The following CPVL variants were observed in gnomAD, a reference collection of about 807,000 sequenced individuals.
The protein encoded by CPVL is probable serine carboxypeptidase CPVL.
A neutral mutation model predicts 63.7 loss-of-function variants in CPVL; 51 were observed. The ratio of observed to expected loss-of-function variants is 0.80; its 90% confidence interval spans 0.64 to 1.01. CPVL has a LOEUF of 1.01. CPVL is among the 50% of genes least tolerant of loss of function. The pLI, the probability that CPVL is intolerant of heterozygous loss-of-function variation, is 0.00. For synonymous variants in CPVL, 195 were observed against 206.0 expected, an observed-to-expected ratio of 0.95 and a Z score of 0.46; for missense variants, 530 against 573.1, an observed-to-expected ratio of 0.92 and a Z score of 0.77.
intron 1 of CPVL, chr7:29,192,924 A>G (rs1416500549): frequency 6.6e-6 from 1 of 152,240 alleles, no homozygotes; most frequent in African/African-American, 2.4e-5. Context: ...GCTGTTTTCT[A>G]TCAGAAGAAC....
intron 7 of CPVL, among the ~76,000 whole-genome samples, chr7:29,074,036 T>G (rs1784000308): frequency 6.6e-6 from 1 of 152,206 alleles, no homozygotes; most frequent in Non-Finnish European, 1.5e-5. Context: ...GCTCTTATTT[T>G]ATCCACACCA....
At chr7:29,151,578 A>C (rs1028870512) in intron 5 of CPVL, among the ~76,000 whole-genome samples, 1 of 152,172 alleles carries the variant, frequency 6.6e-6, no homozygotes, top group South Asian at 2.1e-4. Flanking sequence ...TTTGCCCAAC[A>C]CTTTTTATAT....
At chr7:29,112,868 A>G (rs1286438621) in intron 2 of CPVL, 46 bp from the exon 3 acceptor site, 1 of 1,316,392 alleles carries the variant, frequency 7.6e-7, no homozygotes, top group African/African-American at 1.5e-5. Context: ...GAAAACAATA[A>G]CAACAAAAAT....
intron 11 of CPVL, among the ~76,000 whole-genome samples, chr7:29,048,768 G>A (rs1394056531): frequency 2.0e-5 from 3 of 152,112 alleles, no homozygotes; most frequent in Middle Eastern, 3.4e-3. Flanking sequence ...TAGACCAAAC[G>A]ACAGGCCACA....
intron 6 of CPVL, among the ~76,000 whole-genome samples, chr7:29,087,576 A>C (rs886923405): frequency 1.3e-5 from 2 of 152,250 alleles, no homozygotes; most frequent in African/African-American, 2.4e-5. Flanking sequence ...AAAGGAAAAC[A>C]AAAACTTGTG....
chr7:29,054,202 ATAT>A (rs752738174), intron 11 of CPVL, among the ~76,000 whole-genome samples: 37 of 152,354 alleles, frequency 2.4e-4, no homozygotes, highest in Non-Finnish European at 4.1e-4. Flanking sequence ...CATTGATAAA[ATAT>A]TATTTCTATC....
intron 12 of CPVL, among the ~76,000 whole-genome samples, chr7:29,003,154 G>GCACACACACACACACACA (rs535400256): frequency 1.3e-4 from 16 of 123,780 alleles, no homozygotes; most frequent in South Asian, 2.4e-4. Flanking sequence ...ATGTGTATGT[G>GCACACACACACACACACA]CACACACACA....
At chr7:29,075,123 C>G (rs1784115230) in intron 7 of CPVL, among the ~76,000 whole-genome samples, 1 of 152,100 alleles carries the variant, frequency 6.6e-6, no homozygotes, top group Non-Finnish European at 1.5e-5. Context: ...AAACATCTCT[C>G]TTGACCCTTT....
chr7:29,137,400 A>T (rs1791350302), intron 1 of CPVL, among the ~76,000 whole-genome samples: 1 of 152,296 alleles, frequency 6.6e-6, no homozygotes, highest in African/African-American at 2.4e-5. Context: ...TGACATTTAC[A>T]TAGCATGCAG....
rs148877286 is a variant in CPVL at position 29,035,462 on chromosome 7, C to T, written c.1138-4703G>A. On this transcript the variant is annotated intron_variant, in intron 11 of 12. Coordinates refer to ENST00000265394, the MANE Select transcript of CPVL (RefSeq NM_031311.5). ...GCATATGAGACACAGTTCACATCTC[C>T]GGTTCAGAAACAATCTTGCTCTGTT... Among the ~76,000 whole-genome samples, 1,164 of 152,306 alleles carry T rather than the reference C, an allele frequency of 7.6e-3. 5 individuals carry two copies. The highest frequency in any genetic ancestry group is 0.011 in the Non-Finnish European group (723 of 68,032).
At chr7:29,173,367 A>T (rs1385021695) in intron 5 of CPVL, among the ~76,000 whole-genome samples, 1 of 152,038 alleles carries the variant, frequency 6.6e-6, no homozygotes, top group Admixed American at 6.6e-5. Flanking sequence ...GCCCACAGTG[A>T]TTATGAAGTG....
chr7:29,138,795 G>A (rs774500384), intron 1 of CPVL, among the ~76,000 whole-genome samples: 1 of 152,192 alleles, frequency 6.6e-6, no homozygotes, highest in Non-Finnish European at 1.5e-5. Context: ...AACAGAGACT[G>A]CTGAGAGTCT....
intron 11 of CPVL, among the ~76,000 whole-genome samples, chr7:29,049,962 A>G (rs777924484): frequency 2.6e-5 from 4 of 152,198 alleles, no homozygotes; most frequent in Non-Finnish European, 4.4e-5. Flanking sequence ...CAACAAATCC[A>G]GCATCCCTTT....
At chr7:29,102,246 TC>T (rs1451834487) in intron 3 of CPVL, among the ~76,000 whole-genome samples, 3 of 152,176 alleles carry the variant, frequency 2.0e-5, no homozygotes, top group Admixed American at 6.5e-5. Flanking sequence ...CCTAAGGTTT[TC>T]ATGCAGTTTT....
chr7:29,103,248 GTT>G (rs71555783), intron 3 of CPVL, among the ~76,000 whole-genome samples: 48 of 96,178 alleles, frequency 5.0e-4, no homozygotes, highest in Middle Eastern at 6.9e-3. Flanking sequence ...TTGTTGTTTT[GTT>G]TTTTTTTTTT....
In CPVL at chr7:29,094,115, C is replaced by T. The variant is rs376574486; in HGVS notation, c.462+969G>A. Among the ~76,000 whole-genome samples the T allele has an allele frequency of 2.2e-4, 34 of 152,154 alleles. No homozygotes were observed. The East Asian group carries it at 2.3e-3, about 10-fold the overall frequency. On this transcript the variant is annotated intron_variant, in intron 5 of 12. Coordinates refer to ENST00000265394, the MANE Select transcript of CPVL (RefSeq NM_031311.5). ...CAGCACTTTGGGAGGCTGAGGTGGG[C>T]GGATCACTTGAGGTCAGGAGTTCAA...
Position 29,086,528 on chromosome 7 carries a change from T to C in CPVL, c.565A>G (p.Ile189Val). 1 of 1,611,722 alleles carries C rather than the reference T, an allele frequency of 6.2e-7. No individual in the cohort carries two copies. The highest frequency in any genetic ancestry group is 8.5e-7 in the Non-Finnish European group (1 of 1,177,980). ...LYSALIQFFQIFPEYKNNDFY... is the reference protein window; with the variant it reads ...LYSALIQFFQVFPEYKNNDFY... ...TCATTATTTTTATATTCAGGAAATA[T>C]CTGGAAAAACTGAATTAGTGCACTG... The change falls in exon 7 of 13, where the codon ATA becomes GTA. Residue 189 changes from isoleucine to valine, a missense_variant. Transcript: ENST00000265394.
chr7:29,075,913 T>C (rs1366057104), intron 7 of CPVL, among the ~76,000 whole-genome samples: 1 of 148,836 alleles, frequency 6.7e-6, no homozygotes, highest in African/African-American at 2.5e-5. Flanking sequence ...CACTGAAATA[T>C]TGTAATAAAA....
chr7:28,999,473 T>C (rs1475681696), intron 12 of CPVL, among the ~76,000 whole-genome samples: 2 of 152,204 alleles, frequency 1.3e-5, no homozygotes. Flanking sequence ...TCAAGGTAAT[T>C]TGATTAACAC....
Sources: gnomAD v4.1 joint callset for allele counts (sites outside exome capture counted in the v4.1 genomes callset) on GRCh38, gnomAD v4.1.1 for gene constraint, MANE v1.5 for transcripts, NCBI Gene and HGNC (gene_info 2026-07-23, HGNC 2026-07-21) for gene names.